Variants in PLCL1 observed in about 807,000 individuals in gnomAD.
PLCL1 encodes the protein phospholipase C like 1 (inactive).
Under a neutral mutation model 84.4 loss-of-function variants are expected in PLCL1, and 41 were observed. The observed-to-expected ratio is 0.49, with a 90% CI of 0.38 to 0.63. The LOEUF (loss-of-function observed/expected upper bound fraction) is 0.63. Among genes scored for constraint, PLCL1 ranks in the 30% least tolerant of loss-of-function variants. The pLI, the probability that PLCL1 is intolerant of heterozygous loss-of-function variation, is 0.00. For synonymous variants in PLCL1, 490 were observed against 488.3 expected (o/e 1.00, Z -0.05); for missense variants, 1,206 against 1,367.8 (o/e 0.88, Z 1.87).
Position 198,083,813 on chromosome 2 carries a change from T to A in PLCL1, c.296T>A (p.Met99Lys), listed in dbSNP as rs1692781136. 2 of 1,608,948 alleles carry A rather than the reference T, an allele frequency of 1.2e-6. No homozygotes were observed. Among genetic ancestry groups the A allele is most frequent in the Non-Finnish European group, 1.7e-6 (2 of 1,176,866 alleles). Residue 99 changes from methionine (M) to lysine (K), a missense_variant, in exon 2 of 6, where the codon ATG (methionine) becomes AAG (lysine). Physicochemically the swap from Met to Lys is moderately conservative, Grantham distance 95 (BLOSUM62 -1). Transcript: ENST00000428675. ...AAGAAAACCGTGTCTTTCAGCAGCATGCCATCGGAAAAGAAAATTAGCAGT... is the reference window on the plus strand; with the variant it reads ...AAGAAAACCGTGTCTTTCAGCAGCAAGCCATCGGAAAAGAAAATTAGCAGT... ...GRKKTVSFSS[M>K]PSEKKISSAN...
intron 1 of PLCL1, among the ~76,000 whole-genome samples, chr2:197,859,129 T>C (rs1302152811): frequency 6.6e-6 from 1 of 152,024 alleles, no homozygotes; most frequent in Non-Finnish European, 1.5e-5. Context: ...TTCCATTGCT[T>C]GATAGAATGA....
At chr2:198,130,000 T>A (rs1010275899) in intron 5 of PLCL1, among the ~76,000 whole-genome samples, 3 of 152,092 alleles carry the variant, frequency 2.0e-5, no homozygotes, top group Non-Finnish European at 4.4e-5. Context: ...TTTTTATTTT[T>A]TTTAATTTTT....
At chr2:197,899,654 G>C (rs1277026420) in intron 1 of PLCL1, among the ~76,000 whole-genome samples, 3 of 35,026 alleles carry the variant, frequency 8.6e-5, no homozygotes, top group African/African-American at 5.0e-4. Context: ...TTTTTTTTTT[G>C]AGACGGAGTC....
chr2:197,832,403 A>G (rs564196652), intron 1 of PLCL1, among the ~76,000 whole-genome samples: 1 of 152,360 alleles, frequency 6.6e-6, no homozygotes, highest in South Asian at 2.1e-4. Flanking sequence ...TAGAAATTCT[A>G]GAAGAAATAC....
rs150318878 is a variant in PLCL1 at position 197,890,743 on chromosome 2, T to A, written c.240+85404T>A. ...GTATATATGCATATGTACGTATATA[T>A]GTATACGTATGTATATATACATATA... On this transcript the variant is annotated intron_variant, in intron 1 of 5. Transcript: ENST00000428675. Among the ~76,000 whole-genome samples the A allele has an allele frequency of 2.0e-3, 291 of 146,656 alleles. 2 individuals carry two copies. Among genetic ancestry groups the A allele is most frequent in the African/African-American group, 6.9e-3 (273 of 39,776 alleles).
At chr2:198,122,260 A>T (rs1480812096) in intron 5 of PLCL1, among the ~76,000 whole-genome samples, 3 of 151,406 alleles carry the variant, frequency 2.0e-5, no homozygotes, top group African/African-American at 4.9e-5. Context: ...ATAAGAGGAT[A>T]AAAAAAAAGA....
chr2:198,037,636 C>G (rs918578308), intron 1 of PLCL1, among the ~76,000 whole-genome samples: 7 of 152,208 alleles, frequency 4.6e-5, no homozygotes, highest in Non-Finnish European at 7.3e-5. Flanking sequence ...CTTAAATACT[C>G]TCTATCAAGT....
chr2:197,896,934 C>T (rs547118623), intron 1 of PLCL1, among the ~76,000 whole-genome samples: 213 of 151,984 alleles, frequency 1.4e-3, no homozygotes, highest in Non-Finnish European at 2.8e-3. Flanking sequence ...TATTTTAGAG[C>T]AGATAGAAAG....
intron 1 of PLCL1, among the ~76,000 whole-genome samples, chr2:197,999,980 C>A (rs1231802580): frequency 6.6e-6 from 1 of 152,156 alleles, no homozygotes; most frequent in East Asian, 1.9e-4. Flanking sequence ...TTGTTTGGAG[C>A]AAATTCCTGC....
intron 5 of PLCL1, among the ~76,000 whole-genome samples, chr2:198,115,992 T>C (rs946500916): frequency 6.8e-6 from 1 of 147,698 alleles, no homozygotes; most frequent in African/African-American, 2.5e-5. Flanking sequence ...ATTAAATATA[T>C]AAAAATAGAT....
At chr2:197,955,059 C>T (rs1006217225) in intron 1 of PLCL1, among the ~76,000 whole-genome samples, 4 of 152,050 alleles carry the variant, frequency 2.6e-5, no homozygotes, top group African/African-American at 9.7e-5. Context: ...ATTTTAGGAA[C>T]AGGTATCATT....
Position 198,103,259 on chromosome 2 carries a change from C to T in PLCL1, c.2996-568C>T, listed in dbSNP as rs1693387147. On this transcript the variant is annotated intron_variant, in intron 4 of 5. Transcript: ENST00000428675. ...TGTAACCTGTTGGAATAATTTGCTT[C>T]TTACTTATTTACTTATTAAAATTTT... Among the ~76,000 whole-genome samples the T allele has an allele frequency of 2.0e-5, 3 of 151,916 alleles. No individual in the cohort carries two copies. The South Asian group carries it at 6.2e-4, about 31-fold the overall frequency.
intron 1 of PLCL1, among the ~76,000 whole-genome samples, chr2:197,811,241 A>C (rs1690581566): frequency 6.6e-6 from 1 of 152,260 alleles, no homozygotes; most frequent in South Asian, 2.1e-4. Context: ...CTTCTGTAAC[A>C]ACAACATTCG....
Position 198,084,172 on chromosome 2 carries a change from C to A in PLCL1, c.655C>A (p.Arg219=). ...DVANIWVSGL[R]YLVSRSKQPL... The stretch of plus-strand genomic sequence containing the variant: ...GGCAAACATCTGGGTGTCTGGGTTA[C>A]GGTACCTGGTTTCTCGAAGTAAGCA... Residue 219 remains arginine, a synonymous_variant, in exon 2 of 6, where the codon CGG becomes AGG. Coordinates refer to ENST00000428675, the MANE Select transcript of PLCL1 (RefSeq NM_006226.4). The A allele has an allele frequency of 6.2e-7, 1 of 1,614,054 alleles. No homozygotes were observed. The highest frequency in any genetic ancestry group is 1.1e-5 in the South Asian group (1 of 91,068).
chr2:197,935,863 T>G (rs916763285), intron 1 of PLCL1, among the ~76,000 whole-genome samples: 2 of 152,192 alleles, frequency 1.3e-5, no homozygotes, highest in Non-Finnish European at 2.9e-5. Context: ...ACTTATTTAT[T>G]CTATCTGACA....
intron 1 of PLCL1, among the ~76,000 whole-genome samples, chr2:197,998,175 A>ATGTGTGTGTGTGTGTGTGTG (rs58332002): frequency 7.6e-6 from 1 of 131,884 alleles, no homozygotes; most frequent in East Asian, 2.3e-4. Flanking sequence ...GAATGGAGCT[A>ATGTGTGTGTGTGTGTGTGTG]TGTGTGTGTG....
chr2:198,090,532 G>A (rs777943480), intron 3 of PLCL1, among the ~76,000 whole-genome samples: 2 of 152,022 alleles, frequency 1.3e-5, no homozygotes, highest in African/African-American at 4.8e-5. Flanking sequence ...AACATTCTAC[G>A]AATGAAAAAG....
chr2:198,146,685 T>C, intron 5 of PLCL1, 95 bp from the exon 6 acceptor site: 2 of 1,002,610 alleles, frequency 2.0e-6, no homozygotes, highest in Non-Finnish European at 2.9e-6. Flanking sequence ...TGTTTCCTTA[T>C]TCAGCAATGG....
At chr2:197,877,815 AG>A (rs1360631914) in intron 1 of PLCL1, among the ~76,000 whole-genome samples, 1 of 152,186 alleles carries the variant, frequency 6.6e-6, no homozygotes, top group Non-Finnish European at 1.5e-5. Flanking sequence ...GTTTTGTAAC[AG>A]AGTTCTCAAA....
Sources: gnomAD v4.1 joint callset for allele counts (sites outside exome capture counted in the v4.1 genomes callset) on GRCh38, gnomAD v4.1.1 for gene constraint, MANE v1.5 for transcripts, NCBI Gene and HGNC (gene_info 2026-07-23, HGNC 2026-07-21) for gene names.